Variants in KLF12 observed in about 807,000 individuals in gnomAD.
KLF12 encodes the protein Krueppel-like factor 12.
Under a neutral mutation model 37.8 loss-of-function variants are expected in KLF12, and 9 were observed. That is an observed-to-expected ratio of 0.24 (90% CI 0.14 to 0.42). The LOEUF (loss-of-function observed/expected upper bound fraction) is 0.42, where lower values mean the gene tolerates loss of function less well. KLF12 is among the 10% of genes least tolerant of loss of function. The pLI is 1.00. For synonymous variants in KLF12, 208 were observed against 202.1 expected (o/e 1.03, Z -0.25); for missense variants, 411 against 516.0 (o/e 0.80, Z 1.97).
intron 3 of KLF12, among the ~76,000 whole-genome samples, chr13:73,877,235 A>G (rs1359259338): frequency 6.6e-6 from 1 of 152,216 alleles, no homozygotes; most frequent in East Asian, 1.9e-4. Flanking sequence ...ACAGTCTAAT[A>G]CTTCAGCTCT....
chr13:73,901,268 G>C (rs1888028296), intron 3 of KLF12, among the ~76,000 whole-genome samples: 1 of 152,066 alleles, frequency 6.6e-6, no homozygotes, highest in African/African-American at 2.4e-5. Flanking sequence ...AAATCAGTCA[G>C]AAAGCTTCAG....
chr13:74,054,924 T>G (rs374798827), intron 1 of KLF12, among the ~76,000 whole-genome samples: 48 of 152,354 alleles, frequency 3.2e-4, no homozygotes, highest in African/African-American at 1.1e-3. Flanking sequence ...GTTCATTGTA[T>G]TATACTTTGT....
At chr13:73,937,722 C>A (rs1241880585) in intron 3 of KLF12, among the ~76,000 whole-genome samples, 1 of 152,224 alleles carries the variant, frequency 6.6e-6, no homozygotes, top group African/African-American at 2.4e-5. Context: ...AAGGATTTGT[C>A]TGCCTGCTAT....
At chr13:73,943,651 T>C (rs147995282) in intron 3 of KLF12, among the ~76,000 whole-genome samples, 53 of 152,342 alleles carry the variant, frequency 3.5e-4, no homozygotes, top group Admixed American at 1.2e-3. Flanking sequence ...ACTGAGGTTA[T>C]AGTCCCACCT....
At chr13:73,748,865 C>T (rs920825832) in intron 6 of KLF12, among the ~76,000 whole-genome samples, 2 of 152,186 alleles carry the variant, frequency 1.3e-5, no homozygotes, top group Admixed American at 6.5e-5. Flanking sequence ...AAGCTGTGCT[C>T]TTTCCATTGA....
chr13:74,148,308 T>A, the KLF12 span, among the ~76,000 whole-genome samples: 1 of 151,248 alleles, frequency 6.6e-6, no homozygotes, highest in Non-Finnish European at 1.5e-5. Flanking sequence ...TCTTAGAAAA[T>A]AAATTTAAAA....
chr13:73,712,665 T>C (rs545683286), intron 7 of KLF12, among the ~76,000 whole-genome samples: 1 of 152,314 alleles, frequency 6.6e-6, no homozygotes, highest in African/African-American at 2.4e-5. Flanking sequence ...AAGAGTCCAC[T>C]GATGTGGCAA....
chr13:74,049,298 G>A (rs1043203014), intron 1 of KLF12, among the ~76,000 whole-genome samples: 1 of 152,176 alleles, frequency 6.6e-6, no homozygotes, highest in East Asian at 1.9e-4. Context: ...TGGCAGCCTG[G>A]TCTACAATGG....
intron 2 of KLF12, among the ~76,000 whole-genome samples, chr13:73,949,977 A>G (rs1220269500): frequency 6.6e-6 from 1 of 152,218 alleles, no homozygotes; most frequent in Admixed American, 6.5e-5. Flanking sequence ...GATCCAAATT[A>G]CATTCTTCTG....
chr13:73,740,981 G>T (rs1297845450), intron 6 of KLF12, among the ~76,000 whole-genome samples: 1 of 152,078 alleles, frequency 6.6e-6, no homozygotes, highest in African/African-American at 2.4e-5. Flanking sequence ...AGGAGCAAAA[G>T]CAAAACAGAA....
chr13:74,068,286 T>A (rs1356547849), intron 1 of KLF12, among the ~76,000 whole-genome samples: 1 of 152,224 alleles, frequency 6.6e-6, no homozygotes. Context: ...TCAGCTACTA[T>A]AACAATTTTT....
chr13:74,151,531 T>C, the KLF12 span, among the ~76,000 whole-genome samples: 6 of 152,038 alleles, frequency 3.9e-5, no homozygotes, highest in Admixed American at 1.3e-4. Context: ...TGCACACCTG[T>C]AGTTCCAGTA....
intron 2 of KLF12, among the ~76,000 whole-genome samples, chr13:73,979,823 T>G (rs1027644740): frequency 6.6e-6 from 1 of 152,120 alleles, no homozygotes; most frequent in African/African-American, 2.4e-5. Context: ...GAGACTCTAT[T>G]TAGAGATAGG....
At chr13:73,960,248 G>A (rs1404502830) in intron 2 of KLF12, 1 of 174,828 alleles carries the variant, frequency 5.7e-6, no homozygotes, top group African/African-American at 2.4e-5. Context: ...GAATCACAAA[G>A]AAGTGAAAAA....
At chr13:74,047,873 T>G (rs1893587662) in intron 1 of KLF12, among the ~76,000 whole-genome samples, 1 of 152,206 alleles carries the variant, frequency 6.6e-6, no homozygotes, top group African/African-American at 2.4e-5. Context: ...TGGCTGCAAG[T>G]GTCAGCAAAC....
chr13:73,789,532 A>C (rs1319011961), intron 5 of KLF12, among the ~76,000 whole-genome samples: 1 of 152,084 alleles, frequency 6.6e-6, no homozygotes, highest in Non-Finnish European at 1.5e-5. Context: ...AAGACCACGC[A>C]AAATTTACTC....
chr13:74,091,392 GA>G (rs1441824066), intron 1 of KLF12, among the ~76,000 whole-genome samples: 2 of 152,120 alleles, frequency 1.3e-5, no homozygotes, highest in Non-Finnish European at 2.9e-5. Flanking sequence ...CCGTAGTTTT[GA>G]CTCTCCTAGA....
intron 1 of KLF12, among the ~76,000 whole-genome samples, chr13:74,114,138 A>G (rs907298711): frequency 6.6e-6 from 1 of 152,130 alleles, no homozygotes; most frequent in Non-Finnish European, 1.5e-5. Flanking sequence ...CTTGAGTTGG[A>G]ATCTACTCCT....
chr13:73,786,757 CAA>C (rs10568058), intron 5 of KLF12, among the ~76,000 whole-genome samples: 19,106 of 119,096 alleles, frequency 0.16, 1,467 homozygotes, highest in African/African-American at 0.25. Context: ...ATTACAAATA[CAA>C]AAAAAAAAAA....
Sources: allele counts gnomAD v4.1 joint callset (sites outside exome capture counted in the v4.1 genomes callset), GRCh38; gene constraint gnomAD v4.1.1; transcripts MANE v1.5; gene names NCBI Gene and HGNC (gene_info 2026-07-23, HGNC 2026-07-21).